Variants in ALCAM observed in about 807,000 individuals in gnomAD.
The protein encoded by ALCAM is CD166 antigen.
Under a neutral mutation model 70.9 loss-of-function variants are expected in ALCAM, and 30 were observed. The observed-to-expected ratio is 0.42, with a 90% confidence interval of 0.32 to 0.57. The LOEUF is 0.57. ALCAM is among the 20% of genes least tolerant of loss of function. The probability of loss-of-function intolerance (pLI) is 0.11; values close to 1 mark genes in which losing one functional copy is unlikely to be tolerated. For missense variants in ALCAM, 591 were observed against 695.1 expected (o/e 0.85, Z 1.68); for synonymous variants, 249 against 242.5 (o/e 1.03, Z -0.25).
At chr3:105,535,724 T>C (rs1939952497) in intron 6 of ALCAM, among the ~76,000 whole-genome samples, 1 of 146,826 alleles carries the variant, frequency 6.8e-6, no homozygotes, top group Admixed American at 7.3e-5. Flanking sequence ...GCTGAAGATA[T>C]TTGGGGGGAA....
chr3:105,547,456 A>T lies in ALCAM; in HGVS notation c.1307A>T (p.His436Leu), dbSNP rs757449413. The T allele has an allele frequency of 1.2e-6, 2 of 1,610,752 alleles. No individual in the cohort carries two copies. The highest frequency in any genetic ancestry group is 1.7e-4 in the Middle Eastern group (1 of 6,042). ...GGACTATCTAAAACAATAATCTGCC[A>T]TGTGGAAGGTTTTCCAAAGCCAGCC... ...PSGLSKTIICHVEGFPKPAIQ... is the reference protein window; with the variant it reads ...PSGLSKTIICLVEGFPKPAIQ... The change falls in exon 11 of 16, where the codon CAT becomes CTT. Residue 436 changes from histidine to leucine, a missense_variant. Around this residue, in one of 2 missense-constraint regions of ALCAM, gnomAD observed 164 missense variants for 244.7 expected, o/e 0.67. Coordinates refer to ENST00000306107, the MANE Select transcript of ALCAM (RefSeq NM_001627.4).
intron 1 of ALCAM, among the ~76,000 whole-genome samples, chr3:105,404,051 GA>G (rs897026346): frequency 1.3e-5 from 2 of 150,774 alleles, no homozygotes; most frequent in African/African-American, 2.4e-5. Context: ...AAAAAGAATG[GA>G]AAAAAAATGA....
intron 13 of ALCAM, 49 bp downstream of exon 13, chr3:105,552,231 T>G: frequency 6.6e-7 from 1 of 1,525,544 alleles, no homozygotes; most frequent in Non-Finnish European, 8.9e-7. Context: ...AGCTCAAGAT[T>G]TATGAAGTGT....
At chr3:105,369,357 A>AG (rs1935164617) in intron 1 of ALCAM, among the ~76,000 whole-genome samples, 2 of 152,120 alleles carry the variant, frequency 1.3e-5, no homozygotes, top group South Asian at 4.1e-4. Flanking sequence ...TCGTGTGTCC[A>AG]GGGGGCACCG....
intron 1 of ALCAM, among the ~76,000 whole-genome samples, chr3:105,373,468 C>T (rs1935293634): frequency 6.6e-6 from 1 of 151,942 alleles, no homozygotes; most frequent in South Asian, 2.1e-4. Context: ...GATTTTTATC[C>T]TCTCCATCTG....
chr3:105,556,241 A>T (rs1320879129), intron 14 of ALCAM, among the ~76,000 whole-genome samples: 2 of 152,042 alleles, frequency 1.3e-5, no homozygotes, highest in Admixed American at 1.3e-4. Context: ...AGAGTGATGT[A>T]GCCACAAACT....
intron 3 of ALCAM, chr3:105,525,342 G>T (rs1035561476): frequency 2.0e-6 from 2 of 981,574 alleles, no homozygotes; most frequent in Admixed American, 6.2e-5. Flanking sequence ...GCAAATGAAT[G>T]ACTTGAGAAG....
chr3:105,533,788 T>C (rs941782049), intron 5 of ALCAM, 98 bp downstream of exon 5: 2 of 1,137,516 alleles, frequency 1.8e-6, no homozygotes, highest in Non-Finnish European at 2.6e-6. Context: ...TCCAACCTTT[T>C]TGGCACCAGG....
At chr3:105,518,477 T>C (rs760808648) in intron 1 of ALCAM, among the ~76,000 whole-genome samples, 1 of 152,080 alleles carries the variant, frequency 6.6e-6, no homozygotes, top group Non-Finnish European at 1.5e-5. Context: ...GAACAAGTAA[T>C]GTCATGTGCA....
intron 14 of ALCAM, among the ~76,000 whole-genome samples, chr3:105,571,219 T>C (rs1940854564): frequency 6.6e-6 from 1 of 152,138 alleles, no homozygotes; most frequent in African/African-American, 2.4e-5. Context: ...GTAGTTCTGG[T>C]ATAGGGCCCG....
chr3:105,545,244 C>G lies in ALCAM; in HGVS notation c.1013C>G (p.Pro338Arg). 1 of 1,608,440 alleles carries G rather than the reference C, an allele frequency of 6.2e-7. No individual in the cohort carries two copies. The highest frequency in any genetic ancestry group is 8.5e-7 in the Non-Finnish European group (1 of 1,175,872). ...ACAGATTTGGATTTGTCCTTAAACC[C>G]AAGTGGAGAAGTGACTAGACAGATT... ...TVHYLDLSLN[P>R]SGEVTRQIGD... is the part of the protein sequence containing the mutation. Residue 338 changes from proline (P) to arginine (R), a missense_variant, in exon 9 of 16, where the codon CCA becomes CGA. By Grantham distance (103) the Pro-to-Arg change is moderately radical. Coordinates refer to ENST00000306107, the MANE Select transcript of ALCAM (RefSeq NM_001627.4).
chr3:105,420,783 G>C (rs1936630279), intron 1 of ALCAM, among the ~76,000 whole-genome samples: 1 of 151,524 alleles, frequency 6.6e-6, no homozygotes, highest in African/African-American at 2.4e-5. Context: ...ATAATGCACA[G>C]AGATTGAGGG....
intron 1 of ALCAM, among the ~76,000 whole-genome samples, chr3:105,442,000 A>C (rs1937181768): frequency 1.3e-5 from 2 of 152,244 alleles, no homozygotes; most frequent in African/African-American, 4.8e-5. Flanking sequence ...TTTAAAAAAT[A>C]GTCTAACATT....
intron 1 of ALCAM, among the ~76,000 whole-genome samples, chr3:105,515,823 C>A (rs1397469709): frequency 6.6e-6 from 1 of 152,022 alleles, no homozygotes; most frequent in Non-Finnish European, 1.5e-5. Flanking sequence ...GGAGCATTAG[C>A]ATGTCTGTCA....
intron 1 of ALCAM, among the ~76,000 whole-genome samples, chr3:105,380,803 A>T (rs1438548): frequency 0.15 from 22,458 of 151,902 alleles, 1,823 homozygotes; most frequent in Admixed American, 0.25. Flanking sequence ...TAAAAATCTC[A>T]TATTGAAATT....
chr3:105,540,024 C>T lies in ALCAM; in HGVS notation c.780C>T (p.Ile260=). 1 of 1,612,550 alleles carries T rather than the reference C, an allele frequency of 6.2e-7. No individual in the cohort carries two copies. Among genetic ancestry groups the T allele is most frequent in the Non-Finnish European group, 8.5e-7 (1 of 1,178,994 alleles). ...AAGTGCTGCCACCAAAAAATGCCAT[C>T]AAAGAAGGGGATAACATCACTCTTA... ...TIQVLPPKNA[I]KEGDNITLKC... Residue 260 remains isoleucine, a synonymous_variant, in exon 7 of 16, where the codon ATC becomes ATT. Transcript: ENST00000306107.
intron 14 of ALCAM, among the ~76,000 whole-genome samples, chr3:105,559,651 CT>C (rs1346237087): frequency 6.6e-6 from 1 of 152,082 alleles, no homozygotes; most frequent in Non-Finnish European, 1.5e-5. Flanking sequence ...GCAGTGACTA[CT>C]ACTCCCTTCA....
At chr3:105,480,560 G>C (rs1938244567) in intron 1 of ALCAM, among the ~76,000 whole-genome samples, 1 of 152,086 alleles carries the variant, frequency 6.6e-6, no homozygotes, top group African/African-American at 2.4e-5. Context: ...GAAAATCATA[G>C]TGCTCAGATG....
chr3:105,558,438 A>G (rs983469999), intron 14 of ALCAM, among the ~76,000 whole-genome samples: 1 of 152,068 alleles, frequency 6.6e-6, no homozygotes, highest in African/African-American at 2.4e-5. Flanking sequence ...TCCAAATGAT[A>G]CCAGCCAGAT....
Sources: gnomAD v4.1 joint callset for allele counts (sites outside exome capture counted in the v4.1 genomes callset) on GRCh38, gnomAD v4.1.1 for gene constraint, gnomAD v4.1.1 regional missense constraint, MANE v1.5 for transcripts, NCBI Gene and HGNC (gene_info 2026-07-23, HGNC 2026-07-21) for gene names.